The following TFDP1 variants were observed in gnomAD, a reference collection of about 807,000 sequenced individuals.
TFDP1 encodes DRTF1-polypeptide 1.
In TFDP1, 6 loss-of-function variants were observed where a neutral mutation model predicts 48.0. The ratio of observed to expected loss-of-function variants is 0.13; its 90% confidence interval spans 0.07 to 0.25. The LOEUF (loss-of-function observed/expected upper bound fraction) is 0.25. Ranked by LOEUF, TFDP1 falls within the 10% of genes least tolerant of loss-of-function variation. TFDP1 has a pLI of 1.00. For missense variants in TFDP1, 335 were observed against 543.0 expected (o/e 0.62, Z 3.81); for synonymous variants, 201 against 211.6 (o/e 0.95, Z 0.44).
intron 2 of TFDP1, among the ~76,000 whole-genome samples, chr13:113,597,830 C>T (rs1362486404): frequency 2.0e-5 from 3 of 152,202 alleles, no homozygotes; most frequent in Non-Finnish European, 2.9e-5. Flanking sequence ...CATCCAGACA[C>T]GCTGGGGACT....
chr13:113,625,801 TGTCCTCAGGTGTCTCACGC>T (rs1375919782), intron 4 of TFDP1, among the ~76,000 whole-genome samples: 3 of 26,938 alleles, frequency 1.1e-4, no homozygotes, highest in Non-Finnish European at 1.6e-4. Flanking sequence ...GTCTCTCACG[TGTCCTCAGGTGTCTCACGC>T]GTCCTCAGGT....
chr13:113,640,947 G>A lies in TFDP1; in HGVS notation c.*680G>A, dbSNP rs1313514225. The A allele has an allele frequency of 6.5e-6, 1 of 152,848 alleles. No individual in the cohort carries two copies. Among genetic ancestry groups the A allele is most frequent in the Non-Finnish European group, 1.5e-5 (1 of 68,214 alleles). 9.5% of individuals were successfully genotyped at this position (152,848 alleles called of 1,614,324 possible). On this transcript the variant is annotated 3_prime_UTR_variant, in exon 12 of 12. Coordinates refer to ENST00000375370, the MANE Select transcript of TFDP1 (RefSeq NM_007111.5). ...GTTTGTTTGTTTTCGTTTGGTTAAA[G>A]CTTATTGCCATGCTGGTGCGGCTAT...
intron 1 of TFDP1, 67 bp from the exon 2 acceptor site, chr13:113,585,707 T>C (rs1352631603): frequency 9.7e-7 from 1 of 1,026,934 alleles, no homozygotes; most frequent in Non-Finnish European, 1.4e-6. Flanking sequence ...TGTGTTATTT[T>C]TTAAACTTCG....
intron 2 of TFDP1, among the ~76,000 whole-genome samples, chr13:113,586,405 C>T (rs541221987): frequency 5.3e-4 from 81 of 152,232 alleles, no homozygotes; most frequent in African/African-American, 1.9e-3. Context: ...TGCTACTTAG[C>T]CTGCTTTGCA....
At chr13:113,630,464 A>C (rs1014454092) in intron 4 of TFDP1, among the ~76,000 whole-genome samples, 2 of 152,078 alleles carry the variant, frequency 1.3e-5, no homozygotes, top group African/African-American at 4.8e-5. Context: ...CAGGTGATGC[A>C]TTTATCCCCG....
intron 2 of TFDP1, among the ~76,000 whole-genome samples, chr13:113,590,547 C>T (rs1453672015): frequency 1.3e-5 from 2 of 152,174 alleles, no homozygotes; most frequent in East Asian, 3.9e-4. Flanking sequence ...AAAGAAACAA[C>T]TTTACATTTG....
chr13:113,639,737 G>A (rs1004017380), intron 11 of TFDP1, among the ~76,000 whole-genome samples: 4 of 152,134 alleles, frequency 2.6e-5, no homozygotes, highest in African/African-American at 4.8e-5. Context: ...GTCCTGCCCC[G>A]GGCTCTCTTT....
At chr13:113,625,759 T>C (rs1594508850) in intron 4 of TFDP1, among the ~76,000 whole-genome samples, 6 of 111,230 alleles carry the variant, frequency 5.4e-5, no homozygotes, top group Admixed American at 8.5e-5. Context: ...GTCTCTCACG[T>C]GTCCTCAGGC....
At chr13:113,615,793 TC>T (rs1232447135) in intron 3 of TFDP1, among the ~76,000 whole-genome samples, 2 of 152,116 alleles carry the variant, frequency 1.3e-5, no homozygotes, top group East Asian at 3.9e-4. Flanking sequence ...CTATAGATAG[TC>T]CCAGCTACTT....
rs1380342068 is a variant in TFDP1 at position 113,627,263 on chromosome 13, G to A, written c.186+3977G>A. On this transcript the variant is annotated intron_variant, in intron 4 of 11. Transcript: ENST00000375370. The surrounding 1 kb of genome is among the most constrained non-coding windows in gnomAD (Gnocchi z 4.1). ...GCTTGTCAAGGTCAGGGTCTTTTGA[G>A]GTGCGGATGCTTGTGAAGCCTGTGG... Among the ~76,000 whole-genome samples the A allele has an allele frequency of 2.0e-5, 3 of 152,174 alleles. No homozygotes were observed. Among genetic ancestry groups the A allele is most frequent in the African/African-American group, 7.2e-5 (3 of 41,424 alleles).
At chr13:113,604,531 G>C (rs1253919200) in intron 2 of TFDP1, among the ~76,000 whole-genome samples, 1 of 152,200 alleles carries the variant, frequency 6.6e-6, no homozygotes. Context: ...TGAGATGGGA[G>C]CTGGCCCCTG....
Position 113,640,288 on chromosome 13 carries a change from C to G in TFDP1, c.*21C>G. On this transcript the variant is annotated 3_prime_UTR_variant, in exon 12 of 12. Coordinates refer to ENST00000375370, the MANE Select transcript of TFDP1 (RefSeq NM_007111.5). ...ACTGACGTCCTCCCCACTTCAGATT[C>G]GGCTTCAGGAAAACGTTTAGCGAAA... The G allele has an allele frequency of 1.9e-6, 3 of 1,602,444 alleles. No individual in the cohort carries two copies. Among genetic ancestry groups the G allele is most frequent in the South Asian group, 1.1e-5 (1 of 89,188 alleles).
At chr13:113,594,946 A>T (rs772044540) in intron 2 of TFDP1, among the ~76,000 whole-genome samples, 28 of 152,350 alleles carry the variant, frequency 1.8e-4, no homozygotes, top group Admixed American at 4.6e-4. Flanking sequence ...TTCATAGCAT[A>T]TGCCTGTTGG....
chr13:113,633,177 G>A lies in TFDP1; in HGVS notation c.366G>A (p.Lys122=), dbSNP rs1379479580. 1.9e-6 allele frequency: 3 copies of A among 1,614,022 alleles called. No homozygotes were observed. The highest frequency in any genetic ancestry group is 1.3e-5 in the African/African-American group (1 of 74,946). Residue 122 remains lysine (K), a synonymous_variant, in exon 6 of 12, where the codon AAG becomes AAA. Coordinates refer to ENST00000375370, the MANE Select transcript of TFDP1 (RefSeq NM_007111.5). This position sits in a 1 kb window ranked among gnomAD's most constrained non-coding sequence, Gnocchi z 4.5. ...AGGGCCTACGGCATTTCTCCATGAA[G>A]GTCTGCGAGAAGGTGCAGAGGAAAG... ...NGKGLRHFSM[K]VCEKVQRKGT... is the part of the protein sequence containing the mutation.
intron 1 of TFDP1, 149 bp downstream of exon 1, chr13:113,585,037 C>T (rs1338665818): frequency 6.8e-6 from 1 of 146,774 alleles, no homozygotes; most frequent in Non-Finnish European, 1.5e-5. Context: ...CGCTCCTGTG[C>T]CTCGGGGACC....
At chr13:113,593,117 G>C (rs1429628666) in intron 2 of TFDP1, among the ~76,000 whole-genome samples, 3 of 141,080 alleles carry the variant, frequency 2.1e-5, no homozygotes, top group African/African-American at 8.1e-5. Flanking sequence ...GGTGTGCTGT[G>C]TGTGGGTCCT....
chr13:113,589,440 C>CT (rs2048085538), intron 2 of TFDP1, among the ~76,000 whole-genome samples: 1 of 152,186 alleles, frequency 6.6e-6, no homozygotes, highest in African/African-American at 2.4e-5. Context: ...TGGGGACTGT[C>CT]TGTTTCCATG....
intron 4 of TFDP1, among the ~76,000 whole-genome samples, chr13:113,628,156 G>T (rs989420082): frequency 6.6e-6 from 1 of 151,848 alleles, no homozygotes; most frequent in African/African-American, 2.4e-5. Context: ...CTGGAGCCGT[G>T]TAAAGACTGT....
At chr13:113,585,915 G>T in intron 2 of TFDP1, 66 bp downstream of exon 2, 3 of 1,546,240 alleles carry the variant, frequency 1.9e-6, no homozygotes, top group Non-Finnish European at 2.7e-6. Context: ...GTAGTTCTCT[G>T]CCTTTATTTC....
Sources: gnomAD v4.1 joint callset for allele counts (sites outside exome capture counted in the v4.1 genomes callset) on GRCh38, gnomAD v4.1.1 for gene constraint, Gnocchi (gnomAD v3.1) non-coding constraint, MANE v1.5 for transcripts, NCBI Gene and HGNC (gene_info 2026-07-23, HGNC 2026-07-21) for gene names.